The following KCNH7 variants were observed in gnomAD, a reference collection of about 807,000 sequenced individuals.
The protein encoded by KCNH7 is potassium voltage-gated channel subfamily H member 7.
A neutral mutation model predicts 120.8 loss-of-function variants in KCNH7; 49 were observed. The ratio of observed to expected loss-of-function variants is 0.41; its 90% CI spans 0.32 to 0.51. The LOEUF is 0.51. Ranked by LOEUF, KCNH7 falls within the 20% of genes least tolerant of loss-of-function variation. KCNH7 has a pLI of 0.38. For synonymous variants in KCNH7, 547 were observed against 516.1 expected, an observed-to-expected ratio of 1.06 and a Z score of -0.81; for missense variants, 1,097 against 1,446.6, an observed-to-expected ratio of 0.76 and a Z score of 3.92.
At chr2:162,495,936 T>G (rs546066207) in intron 6 of KCNH7, among the ~76,000 whole-genome samples, 63 of 152,298 alleles carry the variant, frequency 4.1e-4, no homozygotes, top group African/African-American at 1.4e-3. Flanking sequence ...AGCCACCAGT[T>G]ATCTGGGCAT....
intron 2 of KCNH7, chr2:162,796,126 A>G (rs1245405460): frequency 6.6e-6 from 1 of 152,096 alleles, no homozygotes; most frequent in African/African-American, 2.4e-5. Context: ...GATGACTACA[A>G]AGAAACAGCA....
intron 2 of KCNH7, among the ~76,000 whole-genome samples, chr2:162,763,514 G>T (rs1276906822): frequency 6.6e-6 from 1 of 152,044 alleles, no homozygotes; most frequent in Non-Finnish European, 1.5e-5. Flanking sequence ...TACTTAAAAG[G>T]ATCCGTAAAG....
chr2:162,409,752 T>C (rs979466181), intron 9 of KCNH7, among the ~76,000 whole-genome samples: 2 of 152,144 alleles, frequency 1.3e-5, no homozygotes, highest in Admixed American at 1.3e-4. Context: ...ACAAAATCAA[T>C]GTACAAAAAT....
At chr2:162,433,858 C>G (rs1350022567) in intron 8 of KCNH7, among the ~76,000 whole-genome samples, 1 of 152,066 alleles carries the variant, frequency 6.6e-6, no homozygotes, top group East Asian at 1.9e-4. Flanking sequence ...TATCATTCGA[C>G]CCAACAATTC....
intron 2 of KCNH7, among the ~76,000 whole-genome samples, chr2:162,787,817 C>G (rs545789269): frequency 5.9e-5 from 9 of 152,276 alleles, no homozygotes; most frequent in African/African-American, 2.2e-4. Context: ...TCCAGGACCA[C>G]CCACAATGAC....
chr2:162,613,952 AG>A (rs543048577), intron 2 of KCNH7, among the ~76,000 whole-genome samples: 2,026 of 142,100 alleles, frequency 0.014, 55 homozygotes, highest in African/African-American at 0.049. Context: ...CCAAAGAGAA[AG>A]TTTTTTTTTT....
At chr2:162,390,002 C>G (rs1364588362) in intron 12 of KCNH7, among the ~76,000 whole-genome samples, 2 of 151,936 alleles carry the variant, frequency 1.3e-5, no homozygotes, top group Non-Finnish European at 2.9e-5. Context: ...ACTTAGCACA[C>G]AGTGGGTACT....
chr2:162,804,407 A>T (rs1177263715), intron 2 of KCNH7, among the ~76,000 whole-genome samples: 1 of 151,974 alleles, frequency 6.6e-6, no homozygotes, highest in Non-Finnish European at 1.5e-5. Flanking sequence ...ATATACACAA[A>T]TCAACAGCAC....
At chr2:162,460,915 G>A (rs73971873) in intron 6 of KCNH7, among the ~76,000 whole-genome samples, 1,658 of 152,192 alleles carry the variant, frequency 0.011, 27 homozygotes, top group African/African-American at 0.038. Flanking sequence ...ATTTATTTGT[G>A]GGGATAAAGC....
chr2:162,401,922 T>A (rs2105447388), intron 9 of KCNH7, among the ~76,000 whole-genome samples: 1 of 152,032 alleles, frequency 6.6e-6, no homozygotes, highest in Admixed American at 6.6e-5. Context: ...TTCAATAAAC[T>A]ACTCATAAAT....
intron 3 of KCNH7, among the ~76,000 whole-genome samples, chr2:162,521,021 T>A (rs912022856): frequency 4.6e-5 from 7 of 152,018 alleles, no homozygotes; most frequent in Admixed American, 1.3e-4. Flanking sequence ...ACTGAGCTCA[T>A]CCTTTAGATT....
Position 162,504,635 on chromosome 2 carries a change from T to G in KCNH7, c.936A>C (p.Ser312=). ...NVKGPFNHIK[S]SLLGSTSDSN... ...AATCTGATGTGGATCCCAGGAGGCT[T>G]GACTTGATATGATTAAAAGGCCCTA... The change falls in exon 6 of 16, where the codon TCA becomes TCC. Residue 312 remains serine (S), a synonymous_variant. Coordinates refer to ENST00000332142, the MANE Select transcript of KCNH7 (RefSeq NM_033272.4). 2 of 1,611,092 alleles carry G rather than the reference T, an allele frequency of 1.2e-6. No individual in the cohort carries two copies. Among genetic ancestry groups the G allele is most frequent in the Non-Finnish European group, 1.7e-6 (2 of 1,177,814 alleles).
At chr2:162,399,280 A>G (rs894335631) in intron 10 of KCNH7, among the ~76,000 whole-genome samples, 3 of 151,804 alleles carry the variant, frequency 2.0e-5, no homozygotes, top group Admixed American at 6.6e-5. Flanking sequence ...GCTCTTCCCC[A>G]GTGTCCTAAT....
At chr2:162,381,856 G>A (rs1268012000) in intron 13 of KCNH7, among the ~76,000 whole-genome samples, 4 of 152,066 alleles carry the variant, frequency 2.6e-5, no homozygotes, top group Admixed American at 2.0e-4. Context: ...ACAGACGTTT[G>A]AACCTGTTTA....
intron 2 of KCNH7, among the ~76,000 whole-genome samples, chr2:162,617,739 C>CA (rs970774583): frequency 9.9e-5 from 15 of 151,516 alleles, no homozygotes; most frequent in African/African-American, 3.4e-4. Context: ...TACTAATGTA[C>CA]AAAAAAAATC....
At chr2:162,528,930 G>A (rs2105809043) in intron 3 of KCNH7, among the ~76,000 whole-genome samples, 1 of 151,996 alleles carries the variant, frequency 6.6e-6, no homozygotes, top group East Asian at 2.0e-4. Context: ...TAGAGAGAAG[G>A]AGAAGTTTAG....
At chr2:162,809,324 C>T (rs1684651896) in intron 2 of KCNH7, among the ~76,000 whole-genome samples, 1 of 152,138 alleles carries the variant, frequency 6.6e-6, no homozygotes, top group Non-Finnish European at 1.5e-5. Flanking sequence ...CATTCTTCAG[C>T]TTCTTGTTTC....
chr2:162,711,178 C>T (rs986841830), intron 2 of KCNH7, among the ~76,000 whole-genome samples: 2 of 152,238 alleles, frequency 1.3e-5, no homozygotes, highest in Non-Finnish European at 2.9e-5. Flanking sequence ...ACATAATAGT[C>T]TTGCCCCTGT....
At chr2:162,547,643 C>T (rs1379107957) in intron 2 of KCNH7, among the ~76,000 whole-genome samples, 2 of 152,078 alleles carry the variant, frequency 1.3e-5, no homozygotes, top group African/African-American at 4.8e-5. Context: ...TAAGTAATTT[C>T]CCCCAAGTCA....
Sources: gnomAD v4.1 joint callset for allele counts (sites outside exome capture counted in the v4.1 genomes callset) on GRCh38, gnomAD v4.1.1 for gene constraint, MANE v1.5 for transcripts, NCBI Gene and HGNC (gene_info 2026-07-23, HGNC 2026-07-21) for gene names.